Variants in CCDC148 observed in about 807,000 individuals in gnomAD.
CCDC148 encodes coiled-coil domain-containing protein 148.
In CCDC148, 89 loss-of-function variants were observed where a neutral mutation model predicts 85.7. That is an observed-to-expected ratio of 1.04 (90% CI 0.87 to 1.24). CCDC148 has a LOEUF of 1.24. CCDC148 is among the 50% of genes most tolerant of loss of function. CCDC148 has a pLI of 0.00. For synonymous variants in CCDC148, 230 were observed against 213.9 expected, an observed-to-expected ratio of 1.08 and a Z score of -0.66; for missense variants, 692 against 671.7, an observed-to-expected ratio of 1.03 and a Z score of -0.33.
chr2:158,183,983 A>T (rs1685032526), intron 11 of CCDC148, among the ~76,000 whole-genome samples: 1 of 152,140 alleles, frequency 6.6e-6, no homozygotes, highest in African/African-American at 2.4e-5. Flanking sequence ...AGGTGCCAAC[A>T]CGTTTCAAGT....
chr2:158,287,870 T>C (rs1251175163), intron 9 of CCDC148, among the ~76,000 whole-genome samples: 2 of 152,232 alleles, frequency 1.3e-5, no homozygotes, highest in Non-Finnish European at 2.9e-5. Flanking sequence ...TTCTCTTCTG[T>C]ACTGCCTTAG....
Position 158,179,479 on chromosome 2 carries a change from C to T in CCDC148, c.1371-483G>A, listed in dbSNP as rs780634124. Among the ~76,000 whole-genome samples, 12 of 152,006 alleles carry T rather than the reference C, an allele frequency of 7.9e-5. No homozygotes were observed. The East Asian group carries it at 1.2e-3, about 15-fold the overall frequency. On this transcript the variant is annotated intron_variant, in intron 11 of 13. Coordinates refer to ENST00000283233, the MANE Select transcript of CCDC148 (RefSeq NM_138803.4). ...TAACAACCAGAGAAATACAGGAAAG[C>T]GTGGGAGTAAAATTCAGTTCATCTC...
At chr2:158,332,920 TTTTC>T (rs1693218166) in intron 7 of CCDC148, among the ~76,000 whole-genome samples, 1 of 152,114 alleles carries the variant, frequency 6.6e-6, no homozygotes, top group Non-Finnish European at 1.5e-5. Context: ...GATTCTTCTC[TTTTC>T]TTTTTTATTA....
At chr2:158,443,509 A>AG (rs774230667) in intron 1 of CCDC148, among the ~76,000 whole-genome samples, 8,087 of 148,550 alleles carry the variant, frequency 0.054, 241 homozygotes, top group Admixed American at 0.092. Context: ...CTCAAAAAAA[A>AG]AAAAAAAAAA....
chr2:158,277,308 T>C (rs974772817), intron 9 of CCDC148, among the ~76,000 whole-genome samples: 9 of 152,222 alleles, frequency 5.9e-5, no homozygotes, highest in African/African-American at 2.2e-4. Context: ...AAAAGTCCTT[T>C]AAAGGATTTG....
chr2:158,190,019 A>G (rs1685345156), intron 11 of CCDC148, among the ~76,000 whole-genome samples: 1 of 152,046 alleles, frequency 6.6e-6, no homozygotes. Flanking sequence ...ATAAAAATGT[A>G]AGAATAAATT....
chr2:158,269,999 C>T (rs966333914), intron 9 of CCDC148, among the ~76,000 whole-genome samples: 2 of 151,988 alleles, frequency 1.3e-5, no homozygotes, highest in African/African-American at 4.8e-5. Context: ...TGCATTTTTT[C>T]CTTCTTTGGT....
intron 9 of CCDC148, among the ~76,000 whole-genome samples, chr2:158,267,800 T>C (rs1689534170): frequency 6.6e-6 from 1 of 152,206 alleles, no homozygotes. Flanking sequence ...TTTCTGTCCC[T>C]ATAGTTTTGC....
chr2:158,450,908 C>T (rs961514914), intron 1 of CCDC148, among the ~76,000 whole-genome samples: 25 of 152,230 alleles, frequency 1.6e-4, no homozygotes, highest in Admixed American at 3.3e-4. Flanking sequence ...TCTATCCCTC[C>T]TTTCCTCCTG....
intron 11 of CCDC148, among the ~76,000 whole-genome samples, chr2:158,187,326 T>C (rs1480618429): frequency 6.6e-6 from 1 of 151,968 alleles, no homozygotes; most frequent in Non-Finnish European, 1.5e-5. Flanking sequence ...ACCAACCACC[T>C]TCCATGGTTC....
chr2:158,226,641 C>T (rs1392527222), intron 10 of CCDC148, among the ~76,000 whole-genome samples: 1 of 152,198 alleles, frequency 6.6e-6, no homozygotes, highest in Non-Finnish European at 1.5e-5. Context: ...GGATGCAAGG[C>T]TGGTTCAACA....
intron 8 of CCDC148, among the ~76,000 whole-genome samples, chr2:158,311,074 GC>G (rs1476203083): frequency 6.6e-6 from 1 of 152,240 alleles, no homozygotes; most frequent in African/African-American, 2.4e-5. Flanking sequence ...CGGGGTGGTG[GC>G]CGGGCAGAGG....
chr2:158,185,167 A>G (rs1318166086), intron 11 of CCDC148, among the ~76,000 whole-genome samples: 2 of 152,102 alleles, frequency 1.3e-5, no homozygotes, highest in Non-Finnish European at 2.9e-5. Context: ...ATTCTTTCCC[A>G]GCCCCTATGG....
At chr2:158,404,336 C>T (rs1404851257) in intron 1 of CCDC148, among the ~76,000 whole-genome samples, 4 of 152,030 alleles carry the variant, frequency 2.6e-5, no homozygotes, top group Admixed American at 1.3e-4. Flanking sequence ...TCTAATGCTA[C>T]ACAACATGAA....
At chr2:158,447,948 T>C (rs1318875876) in intron 1 of CCDC148, among the ~76,000 whole-genome samples, 1 of 152,184 alleles carries the variant, frequency 6.6e-6, no homozygotes, top group Non-Finnish European at 1.5e-5. Flanking sequence ...GTATTGTATC[T>C]AAAGAAACCT....
intron 9 of CCDC148, among the ~76,000 whole-genome samples, chr2:158,293,620 G>A (rs929203340): frequency 6.6e-6 from 1 of 152,074 alleles, no homozygotes; most frequent in Non-Finnish European, 1.5e-5. Flanking sequence ...CCCTCCAGGA[G>A]AACTATGCTG....
chr2:158,244,985 T>C lies in CCDC148; in HGVS notation c.1251+5787A>G, dbSNP rs372185105. 1.6e-4 allele frequency among the ~76,000 whole-genome samples: 25 copies of C among 152,300 alleles called. No individual in the cohort carries two copies. In the East Asian group the frequency reaches 4.8e-3, roughly 29 times the overall value. On this transcript the variant is annotated intron_variant, in intron 10 of 13. Transcript: ENST00000283233. The stretch of plus-strand genomic sequence containing the variant: ...TTAGCTCTTTAGATCAGTATACTAT[T>C]AGAATAAAAGATGCTGGAGAACAGA...
intron 9 of CCDC148, among the ~76,000 whole-genome samples, chr2:158,295,211 C>T (rs1691121274): frequency 6.6e-6 from 1 of 151,960 alleles, no homozygotes. Flanking sequence ...ATAACAGGAG[C>T]TGAAATTGTG....
intron 9 of CCDC148, among the ~76,000 whole-genome samples, chr2:158,267,233 C>T (rs1321904062): frequency 3.9e-5 from 6 of 152,050 alleles, no homozygotes; most frequent in Non-Finnish European, 5.9e-5. Context: ...TTGCAGCTCC[C>T]GTGGCTTTGG....
Sources: allele counts gnomAD v4.1 joint callset (sites outside exome capture counted in the v4.1 genomes callset), GRCh38; gene constraint gnomAD v4.1.1; transcripts MANE v1.5; gene names NCBI Gene and HGNC (gene_info 2026-07-23, HGNC 2026-07-21).